The following GFRA1 variants were observed in gnomAD, a reference collection of about 807,000 sequenced individuals.
GFRA1 encodes the protein GDNF family receptor alpha-1.
A neutral mutation model predicts 51.6 loss-of-function variants in GFRA1; 16 were observed. The ratio of observed to expected loss-of-function variants is 0.31; its 90% CI spans 0.21 to 0.47. The LOEUF (loss-of-function observed/expected upper bound fraction) is 0.47, where lower values mean the gene tolerates loss of function less well. GFRA1 is among the 20% of genes least tolerant of loss of function. The probability of loss-of-function intolerance (pLI) is 1.00; values close to 1 mark genes in which losing one functional copy is unlikely to be tolerated. For missense variants in GFRA1, 530 were observed against 594.3 expected, an observed-to-expected ratio of 0.89 and a Z score of 1.13; for synonymous variants, 270 against 241.3, an observed-to-expected ratio of 1.12 and a Z score of -1.10.
At chr10:116,068,728 T>G (rs1013450204) in intron 9 of GFRA1, among the ~76,000 whole-genome samples, 1 of 152,196 alleles carries the variant, frequency 6.6e-6, no homozygotes, top group Non-Finnish European at 1.5e-5. Flanking sequence ...TTTCCACATT[T>G]TAAAGGCTTT....
chr10:116,148,076 A>ATGCGTGTGTGCATG (rs1202395838), intron 5 of GFRA1, among the ~76,000 whole-genome samples: 2 of 31,566 alleles, frequency 6.3e-5, no homozygotes, highest in African/African-American at 8.5e-5. Context: ...GCGTGTGTGC[A>ATGCGTGTGTGCATG]TGTGTGTGTG....
chr10:116,094,545 A>G (rs1956495293), intron 7 of GFRA1, among the ~76,000 whole-genome samples: 1 of 152,154 alleles, frequency 6.6e-6, no homozygotes, highest in South Asian at 2.1e-4. Context: ...CACACAAATT[A>G]TTTATACTTA....
intron 5 of GFRA1, among the ~76,000 whole-genome samples, chr10:116,139,673 C>A (rs1286550005): frequency 6.6e-6 from 1 of 152,220 alleles, no homozygotes; most frequent in Non-Finnish European, 1.5e-5. Context: ...TGCCAGAGGG[C>A]AAGGGTGCCC....
intron 9 of GFRA1, among the ~76,000 whole-genome samples, chr10:116,080,938 A>G (rs1332568128): frequency 1.3e-5 from 2 of 152,194 alleles, no homozygotes; most frequent in Non-Finnish European, 2.9e-5. Flanking sequence ...CAGCAAATAC[A>G]TTAATGCAGC....
rs1163620448 is a variant in GFRA1 at position 116,089,883 on chromosome 10, G to A, written c.1055C>T (p.Thr352Ile). The change falls in exon 9 of 11, where the codon ACC becomes ATC. Residue 352 changes from threonine (T) to isoleucine (I), a missense_variant. By Grantham distance (89) the Thr-to-Ile change is moderately conservative (BLOSUM62 -1). Transcript: ENST00000355422. ...TACTGGGAAGGCTGGCTGCCACACG[G>A]TCACATCGGAGCCATTGCCAAAGGC... The part of the protein sequence containing the change: ...IQAFGNGSDV[T>I]VWQPAFPVQT... 3.1e-6 allele frequency: 5 copies of A among 1,614,024 alleles called. No homozygotes were observed. Among genetic ancestry groups the A allele is most frequent in the Non-Finnish European group, 4.2e-6 (5 of 1,179,982 alleles).
At chr10:116,162,293 G>A (rs2134182553) in intron 5 of GFRA1, among the ~76,000 whole-genome samples, 1 of 152,338 alleles carries the variant, frequency 6.6e-6, no homozygotes, top group South Asian at 2.1e-4. Context: ...TAGGGAGAAA[G>A]AGACCAGAGA....
intron 4 of GFRA1, among the ~76,000 whole-genome samples, chr10:116,256,683 T>G (rs1968886172): frequency 6.6e-6 from 1 of 152,208 alleles, no homozygotes; most frequent in Admixed American, 6.5e-5. Context: ...TTAGAACACT[T>G]GAGTTTTCAT....
At chr10:116,178,675 G>A (rs1006065833) in intron 5 of GFRA1, among the ~76,000 whole-genome samples, 5 of 152,216 alleles carry the variant, frequency 3.3e-5, no homozygotes, top group Non-Finnish European at 7.3e-5. Context: ...CCCACGGTGT[G>A]TGTCTTCGCC....
chr10:116,128,403 C>A (rs1234480078), intron 5 of GFRA1, among the ~76,000 whole-genome samples: 1 of 152,006 alleles, frequency 6.6e-6, no homozygotes, highest in Non-Finnish European at 1.5e-5. Context: ...GTAAGGAGTC[C>A]ACAAGCTTAT....
chr10:116,152,226 A>G (rs1959091124), intron 5 of GFRA1, among the ~76,000 whole-genome samples: 1 of 152,206 alleles, frequency 6.6e-6, no homozygotes, highest in African/African-American at 2.4e-5. Context: ...ATGATGATGT[A>G]AGATGGACCA....
At chr10:116,138,642 C>CA (rs1047081650) in intron 5 of GFRA1, among the ~76,000 whole-genome samples, 1 of 143,322 alleles carries the variant, frequency 7.0e-6, no homozygotes, top group African/African-American at 2.6e-5. Flanking sequence ...GGAACCCCCC[C>CA]CCGACCCACC....
intron 6 of GFRA1, among the ~76,000 whole-genome samples, chr10:116,113,324 G>A (rs1957286561): frequency 1.3e-5 from 2 of 151,974 alleles, no homozygotes; most frequent in Admixed American, 1.3e-4. Flanking sequence ...AATCCAGTGT[G>A]GTAAGTACCT....
At chr10:116,096,826 A>AC in intron 6 of GFRA1, 62 bp from the exon 7 acceptor site, 1 of 870,038 alleles carries the variant, frequency 1.1e-6, no homozygotes, top group Non-Finnish European at 1.9e-6. Context: ...AAGCCTCCGG[A>AC]CAGACATGTT....
intron 10 of GFRA1, 34 bp from the exon 11 acceptor site, chr10:116,064,578 GCATGTCTT>G: frequency 1.3e-6 from 2 of 1,582,526 alleles, no homozygotes; most frequent in Non-Finnish European, 1.7e-6. Context: ...ATCATCCACT[GCATGTCTT>G]CATTCTACCA....
chr10:116,147,934 C>T (rs1485356969), intron 5 of GFRA1, among the ~76,000 whole-genome samples: 1 of 151,612 alleles, frequency 6.6e-6, no homozygotes, highest in East Asian at 1.9e-4. Flanking sequence ...GTAACATTTT[C>T]TGCCTAAAAT....
chr10:116,207,549 G>A (rs1964873142), intron 5 of GFRA1, among the ~76,000 whole-genome samples: 1 of 152,088 alleles, frequency 6.6e-6, no homozygotes, highest in Non-Finnish European at 1.5e-5. Context: ...CAGTGGTCCT[G>A]GAGACCTTGG....
chr10:116,151,474 G>A (rs1959062545), intron 5 of GFRA1, among the ~76,000 whole-genome samples: 1 of 152,202 alleles, frequency 6.6e-6, no homozygotes, highest in Non-Finnish European at 1.5e-5. Context: ...TTGGGGGGAT[G>A]TAGCCAATGA....
At chr10:116,150,373 A>G (rs1959011892) in intron 5 of GFRA1, among the ~76,000 whole-genome samples, 1 of 152,178 alleles carries the variant, frequency 6.6e-6, no homozygotes, top group African/African-American at 2.4e-5. Context: ...ACATTCCCAG[A>G]TCAGGCTGGT....
chr10:116,169,020 C>A (rs960762207), intron 5 of GFRA1, among the ~76,000 whole-genome samples: 5 of 152,210 alleles, frequency 3.3e-5, no homozygotes, highest in African/African-American at 1.2e-4. Context: ...TGGGAAGTTT[C>A]TCTGCAGCAA....
Sources: gnomAD v4.1 joint callset for allele counts (sites outside exome capture counted in the v4.1 genomes callset) on GRCh38, gnomAD v4.1.1 for gene constraint, MANE v1.5 for transcripts, NCBI Gene and HGNC (gene_info 2026-07-23, HGNC 2026-07-21) for gene names.